Variants in PPP2R2B observed in about 807,000 individuals in gnomAD.
PPP2R2B encodes the protein serine/threonine-protein phosphatase 2A 55 kDa regulatory subunit B beta isoform.
PPP2R2B carries 5 observed loss-of-function variants against 46.0 expected under a neutral mutation model. That is an observed-to-expected ratio of 0.11 (90% CI 0.06 to 0.23). PPP2R2B has a LOEUF of 0.23. PPP2R2B is among the 10% of genes least tolerant of loss of function. The pLI is 1.00. For synonymous variants in PPP2R2B, 215 were observed against 206.7 expected, an observed-to-expected ratio of 1.04 and a Z score of -0.34; for missense variants, 367 against 575.0, an observed-to-expected ratio of 0.64 and a Z score of 3.70.
intron 5 of PPP2R2B, among the ~76,000 whole-genome samples, chr5:146,681,144 C>T (rs1026039020): frequency 1.1e-4 from 17 of 152,262 alleles, no homozygotes; most frequent in African/African-American, 4.1e-4. Context: ...ATTCCAAATC[C>T]ATTTGCACTA....
intron 1 of PPP2R2B, among the ~76,000 whole-genome samples, chr5:146,952,794 G>A (rs1295044523): frequency 6.6e-6 from 1 of 152,106 alleles, no homozygotes; most frequent in Non-Finnish European, 1.5e-5. Context: ...AAGTGTGAGC[G>A]AGTGAGATTA....
intron 2 of PPP2R2B, among the ~76,000 whole-genome samples, chr5:146,746,237 C>T (rs982828699): frequency 6.6e-6 from 1 of 152,208 alleles, no homozygotes; most frequent in African/African-American, 2.4e-5. Flanking sequence ...TTAACTGCTG[C>T]TTTATGGTCT....
upstream of PPP2R2B, among the ~76,000 whole-genome samples, chr5:147,057,488 T>C (rs1308656617): frequency 2.0e-5 from 3 of 152,218 alleles, no homozygotes; most frequent in East Asian, 5.8e-4. Flanking sequence ...AACCTGACCC[T>C]GACAGTTTGT....
At chr5:147,001,842 G>A (rs771238385) in intron 1 of PPP2R2B, among the ~76,000 whole-genome samples, 2 of 152,068 alleles carry the variant, frequency 1.3e-5, no homozygotes, top group Admixed American at 6.6e-5. Context: ...CCAACTCTTC[G>A]GAGTTGGGAG....
In PPP2R2B at chr5:146,694,709, C is replaced by T. The variant is rs1332953953; in HGVS notation, c.334+3270G>A. The stretch of plus-strand genomic sequence containing the variant: ...TATTTCCTTCTTTTTATTATACAAG[C>T]GATACATGGAATGTTTATTAAAATA... On this transcript the variant is annotated intron_variant, in intron 4 of 9. Transcript: ENST00000394411. Among the ~76,000 whole-genome samples, 9 of 151,710 alleles carry T rather than the reference C, an allele frequency of 5.9e-5. No individual in the cohort carries two copies. In the East Asian group the frequency reaches 9.7e-4, roughly 16 times the overall value.
At chr5:146,716,820 G>A (rs1190800859) in intron 2 of PPP2R2B, among the ~76,000 whole-genome samples, 1 of 152,122 alleles carries the variant, frequency 6.6e-6, no homozygotes, top group Non-Finnish European at 1.5e-5. Flanking sequence ...CTTCTTATCA[G>A]GCATGACTCA....
chr5:146,777,038 G>T (rs1254758574), intron 2 of PPP2R2B, among the ~76,000 whole-genome samples: 1 of 152,084 alleles, frequency 6.6e-6, no homozygotes, highest in Non-Finnish European at 1.5e-5. Context: ...CCCACACATT[G>T]CTGGAGGAAT....
At chr5:146,712,241 TTC>T (rs1420669285) in intron 2 of PPP2R2B, among the ~76,000 whole-genome samples, 1 of 152,242 alleles carries the variant, frequency 6.6e-6, no homozygotes, top group Non-Finnish European at 1.5e-5. Flanking sequence ...TTAGTATTTT[TTC>T]TCTTTCTCCC....
At chr5:146,990,311 C>T (rs1237039505) in intron 1 of PPP2R2B, among the ~76,000 whole-genome samples, 3 of 151,982 alleles carry the variant, frequency 2.0e-5, no homozygotes, top group African/African-American at 2.4e-5. Context: ...GCAAGCATTA[C>T]ACTACCTGAC....
upstream of PPP2R2B, among the ~76,000 whole-genome samples, chr5:146,879,794 C>T (rs565782364): frequency 5.3e-4 from 80 of 152,292 alleles, no homozygotes; most frequent in African/African-American, 1.9e-3. Context: ...GAAAAGACAT[C>T]AACCCCAATC....
chr5:146,910,976 T>C (rs1182592261), intron 1 of PPP2R2B, among the ~76,000 whole-genome samples: 1 of 152,216 alleles, frequency 6.6e-6, no homozygotes, highest in East Asian at 1.9e-4. Context: ...CTGTTCCCAG[T>C]CTAAAATTCT....
intron 4 of PPP2R2B, among the ~76,000 whole-genome samples, chr5:146,696,142 C>G (rs1192338414): frequency 2.0e-5 from 3 of 149,460 alleles, no homozygotes; most frequent in Admixed American, 1.3e-4. Context: ...CTTGCTCTGT[C>G]GCCCAGGGTA....
At chr5:146,868,759 A>G (rs2151405705) in intron 2 of PPP2R2B, among the ~76,000 whole-genome samples, 1 of 152,332 alleles carries the variant, frequency 6.6e-6, no homozygotes, top group East Asian at 1.9e-4. Context: ...AGAAAAATGA[A>G]TCATCTTTTC....
At chr5:146,702,200 C>T (rs1226837201) in intron 2 of PPP2R2B, among the ~76,000 whole-genome samples, 1 of 152,060 alleles carries the variant, frequency 6.6e-6, no homozygotes, top group African/African-American at 2.4e-5. Context: ...TAATTCTGAT[C>T]TCAAATCTTA....
intron 2 of PPP2R2B, among the ~76,000 whole-genome samples, chr5:146,823,343 G>A (rs937203477): frequency 3.9e-5 from 6 of 151,908 alleles, no homozygotes; most frequent in African/African-American, 1.5e-4. Context: ...GACTACAGGC[G>A]CCCACCACAA....
chr5:146,841,497 G>C (rs1302336971), intron 2 of PPP2R2B, among the ~76,000 whole-genome samples: 4 of 152,040 alleles, frequency 2.6e-5, no homozygotes, highest in Admixed American at 1.3e-4. Context: ...TTCCCTATGG[G>C]CAAGACGTAA....
chr5:146,972,240 G>A (rs1024483875), intron 1 of PPP2R2B, among the ~76,000 whole-genome samples: 4 of 152,120 alleles, frequency 2.6e-5, no homozygotes, highest in Non-Finnish European at 4.4e-5. Context: ...CACAGGTAAA[G>A]TTCCCTCCTC....
intron 1 of PPP2R2B, among the ~76,000 whole-genome samples, chr5:146,912,512 C>CTT (rs58947506): frequency 4.7e-4 from 68 of 144,504 alleles, no homozygotes; most frequent in South Asian, 1.1e-3. Context: ...TTTCTTTTTT[C>CTT]TTTTTTTTTT....
intron 1 of PPP2R2B, among the ~76,000 whole-genome samples, chr5:146,950,720 T>TG (rs1462000155): frequency 3.3e-5 from 5 of 152,052 alleles, no homozygotes; most frequent in Non-Finnish European, 7.4e-5. Context: ...TGCTCCCAGA[T>TG]GCCAAGACAG....
Sources: gnomAD v4.1 joint callset for allele counts (sites outside exome capture counted in the v4.1 genomes callset) on GRCh38, gnomAD v4.1.1 for gene constraint, MANE v1.5 for transcripts, NCBI Gene and HGNC (gene_info 2026-07-23, HGNC 2026-07-21) for gene names.